Variants in ABHD2 observed in about 807,000 individuals in gnomAD.
ABHD2 encodes the protein monoacylglycerol lipase ABHD2.
A neutral mutation model predicts 48.1 loss-of-function variants in ABHD2; 20 were observed. The ratio of observed to expected loss-of-function variants is 0.42; its 90% CI spans 0.29 to 0.60. The LOEUF (loss-of-function observed/expected upper bound fraction) is 0.60, where lower values mean the gene tolerates loss of function less well. Among genes scored for constraint, ABHD2 ranks in the 20% least tolerant of loss-of-function variants. The pLI is 0.24. For synonymous variants in ABHD2, 209 were observed against 214.2 expected, an observed-to-expected ratio of 0.98 and a Z score of 0.21; for missense variants, 405 against 550.9, an observed-to-expected ratio of 0.74 and a Z score of 2.65.
chr15:89,067,803 C>T, the ABHD2 span, among the ~76,000 whole-genome samples: 4 of 152,202 alleles, frequency 2.6e-5, no homozygotes, highest in South Asian at 4.1e-4. Flanking sequence ...TCCATCTTTT[C>T]CTTCTGGGCT....
chr15:89,180,315 C>CT (rs745922256), intron 6 of ABHD2, among the ~76,000 whole-genome samples: 5 of 151,902 alleles, frequency 3.3e-5, no homozygotes, highest in Admixed American at 6.6e-5. Flanking sequence ...ATGAGAGACT[C>CT]TAACTCATTC....
chr15:89,196,341 A>G lies in ABHD2; in HGVS notation c.*918A>G, dbSNP rs1191022390. 6.6e-6 allele frequency: 1 copy of G among 152,230 alleles called. No individual in the cohort carries two copies. Among genetic ancestry groups the G allele is most frequent in the East Asian group, 1.9e-4 (1 of 5,198 alleles). The allele number at this position is 152,230 out of a possible 1,614,324, so 9.4% of individuals were successfully genotyped here. A position where few individuals can be genotyped will look rare whatever the true frequency, so the allele number is the denominator to read the frequency against. The stretch of plus-strand genomic sequence containing the variant: ...CAGAAGGGCTCTGGGTGGGCTGAGC[A>G]TCTGGGCTGTGCCCTGGCTCTGCTT... On this transcript the variant is annotated 3_prime_UTR_variant, in exon 11 of 11. Transcript: ENST00000352732.
At position 89,117,621 on chromosome 15, in the gene ABHD2, CAG is replaced by C. The variant is rs200131586; in HGVS notation, c.194+1106_194+1107del. Among the ~76,000 whole-genome samples, 393 of 152,336 alleles carry C rather than the reference CAG, an allele frequency of 2.6e-3. 4 individuals carry two copies. Among genetic ancestry groups the C allele is most frequent in the East Asian group, 0.012 (60 of 5,180 alleles). On this transcript the variant is annotated intron_variant, in intron 3 of 10. Transcript: ENST00000352732. ...TGTGCCTTCTCAGGCTGCAGCTACT[CAG>C]AGAGATGTCTTCCTCAAGTGTGTCC...
rs561669363 is a variant in ABHD2, at chr15:89,201,481, A to G, written c.*6058A>G. 4.3e-4 allele frequency: 660 copies of G among 1,544,024 alleles called. No individual in the cohort carries two copies. Among genetic ancestry groups the G allele is most frequent in the Non-Finnish European group, 5.6e-4 (626 of 1,120,614 alleles). On this transcript the variant is annotated 3_prime_UTR_variant, in exon 11 of 11. Coordinates refer to ENST00000352732, the MANE Select transcript of ABHD2 (RefSeq NM_152924.5). ...TTTTGCCTCATTCCACACAGCTTCC[A>G]TATCTGAAGTGTTTAGTGGAGCAAA...
At position 89,185,738 on chromosome 15, in the gene ABHD2, G is replaced by A. The variant is rs1186713085; in HGVS notation, c.815+222G>A. On this transcript the variant is annotated intron_variant, in intron 7 of 10. Coordinates refer to ENST00000352732, the MANE Select transcript of ABHD2 (RefSeq NM_152924.5). This position sits in a 1 kb window ranked among gnomAD's most constrained non-coding sequence, Gnocchi z 5.9. ...AACCCCAGCACTTTGGGAAGCTGAG[G>A]CGGGCAGATAGCTTGAGGCCAGGAA... is the stretch of plus-strand genomic sequence containing the variant. Among the ~76,000 whole-genome samples the A allele has an allele frequency of 2.0e-5, 3 of 152,342 alleles. No homozygotes were observed. Among genetic ancestry groups the A allele is most frequent in the Middle Eastern group, 3.4e-3 (1 of 294 alleles).
Position 89,116,318 on chromosome 15 carries a change from C to T in ABHD2, c.-6-4C>T, listed in dbSNP as rs200834719. The T allele has an allele frequency of 6.7e-5, 108 of 1,611,694 alleles. 2 individuals are homozygous for T. In the East Asian group the frequency reaches 2.4e-3, roughly 36 times the overall value. ...AAACTTAGACCTGTGCCTCTGCTCC[C>T]CAGATCAAGATGAATGCCATGCTGG... On this transcript the variant is annotated splice_region_variant and splice_polypyrimidine_tract_variant and intron_variant, in intron 2 of 10. Transcript: ENST00000352732. This position sits in a 1 kb window ranked among gnomAD's most constrained non-coding sequence, Gnocchi z 4.6.
At chr15:89,170,308 G>A (rs375198378) in intron 5 of ABHD2, among the ~76,000 whole-genome samples, 71 of 151,592 alleles carry the variant, frequency 4.7e-4, no homozygotes, top group African/African-American at 1.6e-3. Context: ...TGTTGGCCAG[G>A]CTGGTCTTGA....
the ABHD2 span, among the ~76,000 whole-genome samples, chr15:89,061,361 T>G: frequency 6.6e-6 from 1 of 151,824 alleles, no homozygotes; most frequent in Non-Finnish European, 1.5e-5. Context: ...GATGTTGCAG[T>G]GAGCTGAGAT....
At chr15:89,159,799 T>C (rs2050734814) in intron 5 of ABHD2, among the ~76,000 whole-genome samples, 1 of 151,794 alleles carries the variant, frequency 6.6e-6, no homozygotes, top group Non-Finnish European at 1.5e-5. Flanking sequence ...TTTTATTTCA[T>C]CAGAATTTTA....
chr15:89,160,563 AT>A (rs796365262), intron 5 of ABHD2, among the ~76,000 whole-genome samples: 2 of 148,188 alleles, frequency 1.3e-5, no homozygotes, highest in African/African-American at 5.0e-5. Flanking sequence ...TTTTTGTCTT[AT>A]TAGTCAAGAT....
chr15:89,169,218 T>C (rs1456088883), intron 5 of ABHD2, among the ~76,000 whole-genome samples: 3 of 152,166 alleles, frequency 2.0e-5, no homozygotes, highest in African/African-American at 7.2e-5. Flanking sequence ...GCAAGGGGCT[T>C]GGGCTTTGGG....
rs891936258 is a variant in ABHD2 at position 89,102,323 on chromosome 15, A to G, written c.-106-11402A>G. 6 of 152,186 alleles carry G rather than the reference A, an allele frequency of 3.9e-5. No homozygotes were observed. Among genetic ancestry groups the G allele is most frequent in the Non-Finnish European group, 7.3e-5 (5 of 68,056 alleles). The allele number at this position is 152,186 out of a possible 1,614,324, so 9.4% of individuals were successfully genotyped here. A position where few individuals can be genotyped will look rare whatever the true frequency, so the allele number is the denominator to read the frequency against. On this transcript the variant is annotated intron_variant, in intron 1 of 10. Coordinates refer to ENST00000352732, the MANE Select transcript of ABHD2 (RefSeq NM_152924.5). The surrounding 1 kb of genome is among the most constrained non-coding windows in gnomAD (Gnocchi z 4.8). ...ACTTCAGAGTTTAGTACTTCATTAT[A>G]TACAGATTTGTTGTACTATTTTCCA...
the ABHD2 span, among the ~76,000 whole-genome samples, chr15:89,062,303 T>A: frequency 6.6e-6 from 1 of 152,050 alleles, no homozygotes; most frequent in African/African-American, 2.4e-5. Flanking sequence ...TCGGGCAGAA[T>A]GTACCCTACA....
chr15:89,089,380 C>T (rs147031909), intron 1 of ABHD2, among the ~76,000 whole-genome samples: 2 of 152,354 alleles, frequency 1.3e-5, no homozygotes, highest in African/African-American at 4.8e-5. Context: ...CTGTTGAATT[C>T]ACCCATAATG....
chr15:89,089,187 C>G (rs977747421), intron 1 of ABHD2, among the ~76,000 whole-genome samples: 1 of 152,250 alleles, frequency 6.6e-6, no homozygotes, highest in Non-Finnish European at 1.5e-5. Context: ...GCTAGCGCCT[C>G]GACCTTGGCG....
In ABHD2 at chr15:89,136,290, G is replaced by C. The variant is rs148849633; in HGVS notation, c.195-15387G>C. On this transcript the variant is annotated intron_variant, in intron 3 of 10. Transcript: ENST00000352732. Reference sequence around the variant, plus strand: ...AGGTTTTCGTTTCTCTTTCGTATGGGCCCTGTCTGCCTTTGCCATATCTTC... The same window carrying C: ...AGGTTTTCGTTTCTCTTTCGTATGGCCCCTGTCTGCCTTTGCCATATCTTC... The C allele has an allele frequency of 4.6e-3, 2,021 of 438,500 alleles. 29 individuals are homozygous for C. Among genetic ancestry groups the C allele is most frequent in the African/African-American group, 0.037 (1,799 of 48,560 alleles). 27.2% of individuals were successfully genotyped at this position (438,500 alleles called of 1,614,324 possible). A position where few individuals can be genotyped will look rare whatever the true frequency, so the allele number is the denominator to read the frequency against.
chr15:89,181,228 C>CAAAAAAAAAAA lies in ABHD2; in HGVS notation c.723-4184_723-4174dup, dbSNP rs61411388. Among the ~76,000 whole-genome samples the CAAAAAAAAAAA allele has an allele frequency of 2.2e-4, 15 of 69,156 alleles. 2 individuals carry two copies. The South Asian group carries it at 2.6e-3, about 12-fold the overall frequency. 45.4% of individuals were successfully genotyped at this position (69,156 alleles called of 152,430 possible). On this transcript the variant is annotated intron_variant, in intron 6 of 10. Coordinates refer to ENST00000352732, the MANE Select transcript of ABHD2 (RefSeq NM_152924.5). ...TGGGGGACAGAGCGAGACTCTGTCT[C>CAAAAAAAAAAA]AAAAAAAAAAAAAAAAAAAAAACAA...
At chr15:89,190,398 C>A (rs1596164458) in intron 8 of ABHD2, among the ~76,000 whole-genome samples, 1 of 152,072 alleles carries the variant, frequency 6.6e-6, no homozygotes, top group African/African-American at 2.4e-5. Context: ...AGTCAGAGAT[C>A]GGAGCAGTAG....
chr15:89,167,092 A>G lies in ABHD2; in HGVS notation c.539-8720A>G, dbSNP rs1278918371. Reference sequence around the variant, plus strand: ...TACCTACCTTTAGCATGCTGTAGAGATCACCCATGATCCAAGACATCTCAC... The same window carrying G: ...TACCTACCTTTAGCATGCTGTAGAGGTCACCCATGATCCAAGACATCTCAC... On this transcript the variant is annotated intron_variant, in intron 5 of 10. Transcript: ENST00000352732. The surrounding 1 kb of genome is among the most constrained non-coding windows in gnomAD (Gnocchi z 5.5). 1.3e-5 allele frequency among the ~76,000 whole-genome samples: 2 copies of G among 152,290 alleles called. No homozygotes were observed. The highest frequency in any genetic ancestry group is 4.8e-5 in the African/African-American group (2 of 41,550).
Sources: allele counts gnomAD v4.1 joint callset (sites outside exome capture counted in the v4.1 genomes callset), GRCh38; gene constraint gnomAD v4.1.1; non-coding constraint Gnocchi (gnomAD v3.1); transcripts MANE v1.5; gene names NCBI Gene and HGNC (gene_info 2026-07-23, HGNC 2026-07-21).